IL1RAPL1: variants seen among roughly 807,000 people sequenced by gnomAD.
The protein encoded by IL1RAPL1 is interleukin 1 receptor accessory protein like 1.
Under a neutral mutation model 48.4 loss-of-function variants are expected in IL1RAPL1, and 3 were observed. That is an observed-to-expected ratio of 0.06 (90% CI 0.03 to 0.16). The LOEUF is 0.16. Among genes scored for constraint, IL1RAPL1 ranks in the 10% least tolerant of loss-of-function variants. IL1RAPL1 has a pLI of 1.00. For synonymous variants in IL1RAPL1, 185 were observed against 187.7 expected (o/e 0.99, Z 0.12); for missense variants, 349 against 530.6 (o/e 0.66, Z 3.36).
chrX:28,845,164 C>A (rs914127214), intron 2 of IL1RAPL1, among the ~76,000 whole-genome samples: 4 of 111,349 alleles, frequency 3.6e-5, no homozygotes, highest in Non-Finnish European at 7.6e-5. Context: ...AGAATCATAG[C>A]CCATGCAGGA....
chrX:29,765,097 C>G (rs1463825859), intron 6 of IL1RAPL1, among the ~76,000 whole-genome samples: 1 of 112,355 alleles, frequency 8.9e-6, no homozygotes, highest in Non-Finnish European at 1.9e-5. Flanking sequence ...GTGGTTAATT[C>G]ATTATAGTCT....
chrX:29,055,755 C>A (rs1387079958), intron 2 of IL1RAPL1, among the ~76,000 whole-genome samples: 1 of 111,708 alleles, frequency 9.0e-6, no homozygotes, highest in Non-Finnish European at 1.9e-5. Context: ...ATGAAACATA[C>A]ATTAAATTTA....
intron 1 of IL1RAPL1, among the ~76,000 whole-genome samples, chrX:28,593,676 TTTACTC>T (rs934885300): frequency 2.7e-5 from 3 of 111,655 alleles, no homozygotes; most frequent in Non-Finnish European, 3.8e-5. Flanking sequence ...ATTATAGACT[TTTACTC>T]TTTCGATGTT....
At chrX:29,137,550 C>G (rs1341950830) in intron 2 of IL1RAPL1, among the ~76,000 whole-genome samples, 1 of 111,671 alleles carries the variant, frequency 9.0e-6, no homozygotes, top group Non-Finnish European at 1.9e-5. Context: ...TGAAATTGTT[C>G]TAAAATATGC....
At chrX:29,915,695 A>G (rs1369706097) in intron 6 of IL1RAPL1, among the ~76,000 whole-genome samples, 1 of 100,065 alleles carries the variant, frequency 1.0e-5, no homozygotes, top group East Asian at 3.1e-4. Context: ...CAGAGTTCTC[A>G]GGGCCCTCTG....
chrX:29,440,214 A>C (rs1050134550), intron 5 of IL1RAPL1, among the ~76,000 whole-genome samples: 1 of 110,863 alleles, frequency 9.0e-6, no homozygotes, highest in African/African-American at 3.3e-5. Context: ...TCATTAAAAA[A>C]TAAGAGAAAA....
rs768130513 is a variant in IL1RAPL1 at position 29,857,428 on chromosome X, T to C, written c.779-60036T>C. ...AACCAAATTTCTATGTCTATGTCCA[T>C]ATTTCTAACTATCATATTGTCTTCA... is the stretch of plus-strand genomic sequence containing the variant. On this transcript the variant is annotated intron_variant, in intron 6 of 10. Transcript: ENST00000378993. Among the ~76,000 whole-genome samples, 3 of 112,053 alleles carry C rather than the reference T, an allele frequency of 2.7e-5. No homozygotes were observed. The Admixed American group carries it at 2.8e-4, about 11-fold the overall frequency.
chrX:29,010,281 G>C (rs1926091766), intron 2 of IL1RAPL1, among the ~76,000 whole-genome samples: 1 of 111,862 alleles, frequency 8.9e-6, no homozygotes, highest in East Asian at 2.8e-4. Context: ...CCAGTACTAT[G>C]CTGAACAGGT....
intron 8 of IL1RAPL1, among the ~76,000 whole-genome samples, chrX:29,937,531 T>C (rs1391572930): frequency 8.9e-6 from 1 of 112,243 alleles, no homozygotes; most frequent in African/African-American, 3.2e-5. Context: ...AGCAAAAGAA[T>C]ACAGAGGCTA....
intron 1 of IL1RAPL1, among the ~76,000 whole-genome samples, chrX:28,775,560 A>C (rs1321848405): frequency 8.8e-6 from 1 of 112,996 alleles, no homozygotes; most frequent in Non-Finnish European, 1.9e-5. Context: ...ACTCAGAGTT[A>C]GAATTTCAAC....
intron 5 of IL1RAPL1, among the ~76,000 whole-genome samples, chrX:29,524,921 A>G (rs1205220444): frequency 8.9e-6 from 1 of 112,294 alleles, no homozygotes; most frequent in Non-Finnish European, 1.9e-5. Flanking sequence ...TAGAGATTCC[A>G]GTATAAACCC....
intron 3 of IL1RAPL1, chrX:29,369,190 G>A (rs1933510132): frequency 1.8e-5 from 2 of 110,526 alleles, no homozygotes; most frequent in Non-Finnish European, 3.8e-5. Flanking sequence ...GAAGTTGTGT[G>A]TTGCTGAAAG....
At chrX:29,819,295 G>A (rs1930559440) in intron 6 of IL1RAPL1, among the ~76,000 whole-genome samples, 1 of 111,508 alleles carries the variant, frequency 9.0e-6, no homozygotes, top group Non-Finnish European at 1.9e-5. Flanking sequence ...AGCACAGACT[G>A]CTTTAAAAAT....
At chrX:29,882,600 T>C (rs1601864671) in intron 6 of IL1RAPL1, among the ~76,000 whole-genome samples, 2 of 111,530 alleles carry the variant, frequency 1.8e-5, no homozygotes, top group African/African-American at 6.5e-5. Context: ...AGTATAAAGG[T>C]GGACCTATAC....
chrX:29,566,184 C>A (rs746645418), intron 5 of IL1RAPL1, among the ~76,000 whole-genome samples: 1 of 111,808 alleles, frequency 8.9e-6, no homozygotes, highest in African/African-American at 3.3e-5. Flanking sequence ...CGTGATCCAC[C>A]CACCTTGGCC....
At chrX:29,494,185 G>A (rs1985469128) in intron 5 of IL1RAPL1, among the ~76,000 whole-genome samples, 1 of 111,901 alleles carries the variant, frequency 8.9e-6, no homozygotes, top group African/African-American at 3.3e-5. Flanking sequence ...ACAGGCGTAA[G>A]CCACCGCGTC....
At chrX:29,452,463 TTTTTA>T (rs1347695403) in intron 5 of IL1RAPL1, among the ~76,000 whole-genome samples, 11 of 111,831 alleles carry the variant, frequency 9.8e-5, no homozygotes, top group African/African-American at 3.6e-4. Context: ...TCTCTTTAAT[TTTTTA>T]TGAGACAATT....
intron 3 of IL1RAPL1, among the ~76,000 whole-genome samples, chrX:29,363,099 C>T (rs909640931): frequency 2.7e-5 from 3 of 111,468 alleles, no homozygotes; most frequent in Non-Finnish European, 5.6e-5. Flanking sequence ...TCTTAACCAC[C>T]GTGCTGTGAG....
chrX:29,438,526 A>C (rs904129716), intron 5 of IL1RAPL1, among the ~76,000 whole-genome samples: 2 of 110,419 alleles, frequency 1.8e-5, no homozygotes, highest in Non-Finnish European at 3.8e-5. Context: ...AGTACTGTAA[A>C]ATTTTCTCTT....
Sources: allele counts gnomAD v4.1 joint callset (sites outside exome capture counted in the v4.1 genomes callset), GRCh38; gene constraint gnomAD v4.1.1; transcripts MANE v1.5; gene names NCBI Gene and HGNC (gene_info 2026-07-23, HGNC 2026-07-21).